STX8: variants seen among roughly 807,000 people sequenced by gnomAD.
STX8 encodes syntaxin 8, also known as syntaxin-8.
STX8 carries 23 observed loss-of-function variants against 37.5 expected under a neutral mutation model. The observed-to-expected ratio is 0.61, with a 90% CI of 0.44 to 0.87. The LOEUF (loss-of-function observed/expected upper bound fraction) is 0.87, where lower values mean the gene tolerates loss of function less well. STX8 is among the 40% of genes least tolerant of loss of function. The pLI is 0.00. For missense variants in STX8, 313 were observed against 284.7 expected (o/e 1.10, Z -0.71); for synonymous variants, 115 against 99.1 (o/e 1.16, Z -0.95).
intron 4 of STX8, among the ~76,000 whole-genome samples, chr17:9,528,035 C>G (rs1256372770): frequency 6.6e-6 from 1 of 152,122 alleles, no homozygotes; most frequent in Non-Finnish European, 1.5e-5. Flanking sequence ...ACGAATTTGT[C>G]AGACACATCA....
At chr17:9,541,491 T>TA (rs1906276441) in intron 4 of STX8, among the ~76,000 whole-genome samples, 1 of 152,158 alleles carries the variant, frequency 6.6e-6, no homozygotes, top group South Asian at 2.1e-4. Context: ...ATAAAGGTCT[T>TA]AGAGTTTACA....
intron 7 of STX8, among the ~76,000 whole-genome samples, chr17:9,319,277 G>A (rs1218155969): frequency 6.6e-6 from 1 of 151,994 alleles, no homozygotes; most frequent in Non-Finnish European, 1.5e-5. Flanking sequence ...AAATTAGCTG[G>A]GTGTGGTGGC....
At chr17:9,461,454 A>G (rs1905383817) in intron 6 of STX8, 1 of 152,200 alleles carries the variant, frequency 6.6e-6, no homozygotes, top group Non-Finnish European at 1.5e-5. Flanking sequence ...TGGGTGCTAG[A>G]GATAGAGACA....
intron 5 of STX8, among the ~76,000 whole-genome samples, chr17:9,493,204 G>A (rs556721588): frequency 1.3e-5 from 2 of 152,124 alleles, no homozygotes; most frequent in African/African-American, 2.4e-5. Flanking sequence ...GTTCGAGGCT[G>A]CAGTGAGCCA....
intron 7 of STX8, among the ~76,000 whole-genome samples, chr17:9,340,645 C>T (rs1191015687): frequency 9.7e-6 from 1 of 103,274 alleles, no homozygotes; most frequent in Non-Finnish European, 1.9e-5. Flanking sequence ...CAATGTTGCA[C>T]TTGATTTTTT....
At chr17:9,308,595 C>G (rs532281465) in intron 7 of STX8, among the ~76,000 whole-genome samples, 1 of 151,938 alleles carries the variant, frequency 6.6e-6, no homozygotes, top group Admixed American at 6.6e-5. Context: ...TGGTGGCGTA[C>G]GCCTGTAGTC....
At chr17:9,300,676 T>TTC (rs953973773) in intron 7 of STX8, among the ~76,000 whole-genome samples, 4 of 152,174 alleles carry the variant, frequency 2.6e-5, no homozygotes, top group Non-Finnish European at 5.9e-5. Flanking sequence ...TTTCAGTTGA[T>TTC]TCTCTTGAAA....
intron 6 of STX8, among the ~76,000 whole-genome samples, chr17:9,380,487 C>T (rs561367088): frequency 6.6e-6 from 1 of 151,834 alleles, no homozygotes; most frequent in East Asian, 1.9e-4. Flanking sequence ...CTCCTGGCCT[C>T]AAGAGATCCT....
intron 4 of STX8, among the ~76,000 whole-genome samples, chr17:9,539,659 A>G (rs1169737642): frequency 7.2e-6 from 1 of 139,796 alleles, no homozygotes; most frequent in Non-Finnish European, 1.6e-5. Flanking sequence ...AAGCAACCCA[A>G]CTGACCCCCC....
intron 3 of STX8, among the ~76,000 whole-genome samples, chr17:9,546,558 A>ATACTAGC (rs1373987365): frequency 7.7e-6 from 1 of 129,838 alleles, no homozygotes; most frequent in Non-Finnish European, 1.6e-5. Context: ...AAAGTTTTAT[A>ATACTAGC]TACTAGCTTT....
intron 7 of STX8, among the ~76,000 whole-genome samples, chr17:9,256,742 G>A (rs964419734): frequency 1.3e-5 from 2 of 152,232 alleles, no homozygotes; most frequent in Non-Finnish European, 2.9e-5. Context: ...ATGTAGGAAG[G>A]TGGCTCCAGT....
chr17:9,398,454 G>A (rs573115237), intron 6 of STX8, among the ~76,000 whole-genome samples: 23 of 152,240 alleles, frequency 1.5e-4, no homozygotes, highest in African/African-American at 4.8e-4. Flanking sequence ...CTGAGACACC[G>A]CCACAGCTCA....
At chr17:9,412,966 G>A (rs747826270) in intron 6 of STX8, among the ~76,000 whole-genome samples, 23 of 152,196 alleles carry the variant, frequency 1.5e-4, no homozygotes, top group Non-Finnish European at 3.2e-4. Context: ...AGGAAGAAAA[G>A]TTGCAATAGG....
chr17:9,271,766 A>AAAG (rs1220774694), intron 7 of STX8, among the ~76,000 whole-genome samples: 1 of 150,418 alleles, frequency 6.6e-6, no homozygotes, highest in African/African-American at 2.5e-5. Flanking sequence ...AAAAAAAAAA[A>AAAG]AAGAAAGAAA....
intron 7 of STX8, among the ~76,000 whole-genome samples, chr17:9,351,483 C>A (rs1233795005): frequency 1.3e-5 from 2 of 152,012 alleles, no homozygotes; most frequent in African/African-American, 4.8e-5. Context: ...CTTAAACATG[C>A]ATCTCCTAAG....
At chr17:9,283,467 G>A (rs1015528152) in intron 7 of STX8, among the ~76,000 whole-genome samples, 1 of 152,194 alleles carries the variant, frequency 6.6e-6, no homozygotes, top group Non-Finnish European at 1.5e-5. Context: ...CTGAACCTGG[G>A]AGGCAGAGGT....
chr17:9,540,107 C>G (rs982972703), intron 4 of STX8, among the ~76,000 whole-genome samples: 3 of 152,124 alleles, frequency 2.0e-5, no homozygotes, highest in African/African-American at 7.2e-5. Flanking sequence ...AAAAATAATA[C>G]TCTTACATAG....
chr17:9,426,022 A>C (rs1020030957), intron 6 of STX8, among the ~76,000 whole-genome samples: 1 of 151,762 alleles, frequency 6.6e-6, no homozygotes, highest in East Asian at 1.9e-4. Context: ...GGATCAGCCA[A>C]CCACTAAAAA....
intron 6 of STX8, among the ~76,000 whole-genome samples, chr17:9,394,887 C>A (rs1478369198): frequency 6.6e-6 from 1 of 151,110 alleles, no homozygotes; most frequent in Non-Finnish European, 1.5e-5. Flanking sequence ...CCTGGCCTGG[C>A]CGACATGATG....
Sources: allele counts gnomAD v4.1 joint callset (sites outside exome capture counted in the v4.1 genomes callset), GRCh38; gene constraint gnomAD v4.1.1; transcripts MANE v1.5; gene names NCBI Gene and HGNC (gene_info 2026-07-23, HGNC 2026-07-21).